DLGAP4: variants seen among roughly 807,000 people sequenced by gnomAD.
DLGAP4 encodes disks large-associated protein 4.
Under a neutral mutation model 86.9 loss-of-function variants are expected in DLGAP4, and 18 were observed. The observed-to-expected ratio is 0.21, with a 90% CI of 0.14 to 0.31. DLGAP4 has a LOEUF of 0.31. Ranked by LOEUF, DLGAP4 falls within the 10% of genes least tolerant of loss-of-function variation. The pLI is 1.00. For synonymous variants in DLGAP4, 548 were observed against 574.3 expected, an observed-to-expected ratio of 0.95 and a Z score of 0.65; for missense variants, 1,085 against 1,362.6, an observed-to-expected ratio of 0.80 and a Z score of 3.21.
At chr20:36,396,599 C>T (rs1263932547) in intron 2 of DLGAP4, among the ~76,000 whole-genome samples, 7 of 149,638 alleles carry the variant, frequency 4.7e-5, no homozygotes, top group East Asian at 4.0e-4. Flanking sequence ...GACACACACA[C>T]GCACGCATAC....
chr20:36,398,522 A>T (rs1324586150), intron 2 of DLGAP4, among the ~76,000 whole-genome samples: 1 of 152,212 alleles, frequency 6.6e-6, no homozygotes, highest in African/African-American at 2.4e-5. Flanking sequence ...TTACTAACAC[A>T]GCCGTAGAGA....
intron 2 of DLGAP4, among the ~76,000 whole-genome samples, chr20:36,404,976 C>T (rs1029112116): frequency 6.6e-6 from 1 of 152,092 alleles, no homozygotes; most frequent in Non-Finnish European, 1.5e-5. Context: ...CTGGAGGAGG[C>T]GGTGTGCGCT....
At chr20:36,475,328 A>G (rs566051164) in intron 7 of DLGAP4, among the ~76,000 whole-genome samples, 1 of 152,252 alleles carries the variant, frequency 6.6e-6, no homozygotes, top group African/African-American at 2.4e-5. Context: ...CCCCTGCCTC[A>G]GCCTCCTGAG....
At chr20:36,394,882 C>T (rs1669268448) in intron 2 of DLGAP4, among the ~76,000 whole-genome samples, 2 of 152,144 alleles carry the variant, frequency 1.3e-5, no homozygotes, top group African/African-American at 2.4e-5. Flanking sequence ...CATGCCACTG[C>T]CTGGGCGGGC....
chr20:36,332,395 T>C (rs2147360890), intron 1 of DLGAP4, among the ~76,000 whole-genome samples: 1 of 152,242 alleles, frequency 6.6e-6, no homozygotes, highest in South Asian at 2.1e-4. Flanking sequence ...TTTGTTTTTT[T>C]GTTTCTTTGT....
At chr20:36,396,354 T>TGCACACACAC (rs2031958028) in intron 2 of DLGAP4, among the ~76,000 whole-genome samples, 1 of 5,044 alleles carries the variant, frequency 2.0e-4, no homozygotes, top group African/African-American at 9.8e-4. Flanking sequence ...CACACACACA[T>TGCACACACAC]ACCACACGCA....
chr20:36,440,328 C>T (rs922177892), intron 5 of DLGAP4, among the ~76,000 whole-genome samples: 16 of 152,164 alleles, frequency 1.1e-4, no homozygotes, highest in Non-Finnish European at 1.2e-4. Flanking sequence ...AGGCGGTGTG[C>T]TCAGCAGAGG....
chr20:36,442,529 A>G (rs966339792), intron 5 of DLGAP4, among the ~76,000 whole-genome samples, 198 bp from the exon 6 acceptor site: 1 of 152,186 alleles, frequency 6.6e-6, no homozygotes, highest in African/African-American at 2.4e-5. Context: ...ATAAGTCCTC[A>G]GTAATGCCCA....
chr20:36,426,770 T>C (rs976873735), intron 2 of DLGAP4, among the ~76,000 whole-genome samples: 5 of 152,004 alleles, frequency 3.3e-5, no homozygotes, highest in African/African-American at 4.8e-5. Context: ...CTACGGGAAA[T>C]AGGAAAATTC....
intron 6 of DLGAP4, 121 bp from the exon 7 acceptor site, chr20:36,446,576 G>A: frequency 2.3e-6 from 2 of 860,522 alleles, no homozygotes; most frequent in South Asian, 3.4e-5. Context: ...AGATGGACAG[G>A]GGTGGGCTGA....
chr20:36,322,849 C>T (rs1177801816), intron 1 of DLGAP4, among the ~76,000 whole-genome samples: 1 of 152,120 alleles, frequency 6.6e-6, no homozygotes, highest in Non-Finnish European at 1.5e-5. Context: ...GTGTATATCT[C>T]ACCCTTGTAA....
intron 1 of DLGAP4, among the ~76,000 whole-genome samples, chr20:36,336,513 T>A (rs1037044260): frequency 2.0e-5 from 3 of 152,212 alleles, no homozygotes; most frequent in African/African-American, 7.2e-5. Context: ...TCTGCATCTT[T>A]CCCACCGGAC....
At chr20:36,354,336 A>T (rs1186304940) in intron 1 of DLGAP4, among the ~76,000 whole-genome samples, 6 of 152,096 alleles carry the variant, frequency 3.9e-5, no homozygotes, top group African/African-American at 1.4e-4. Flanking sequence ...AAACAAAACA[A>T]ACAAAATCAA....
At chr20:36,355,294 CTTTCTTTT>C (rs1295058799) in intron 1 of DLGAP4, among the ~76,000 whole-genome samples, 4 of 148,632 alleles carry the variant, frequency 2.7e-5, no homozygotes, top group Non-Finnish European at 5.9e-5. Context: ...TTCTTTCTTT[CTTTCTTTT>C]TTTTTTTTTT....
At chr20:36,449,676 A>T (rs1327112546) in intron 7 of DLGAP4, among the ~76,000 whole-genome samples, 1 of 152,176 alleles carries the variant, frequency 6.6e-6, no homozygotes, top group Non-Finnish European at 1.5e-5. Flanking sequence ...GCCTGGAGGG[A>T]TAGACAGCAC....
At chr20:36,471,671 G>A (rs573791989) in intron 7 of DLGAP4, among the ~76,000 whole-genome samples, 10 of 152,096 alleles carry the variant, frequency 6.6e-5, no homozygotes, top group Non-Finnish European at 1.2e-4. Flanking sequence ...GGAAGACATC[G>A]TGAAATGTAT....
Position 36,475,130 on chromosome 20 carries a change from C to T in DLGAP4, c.1649-21575C>T, listed in dbSNP as rs145177717. ...GTAGGGGTTACATCTGGAGTAGTCT[C>T]AAGGTCAGGCAGGACCCTGGGGGTC... On this transcript the variant is annotated intron_variant, in intron 7 of 12. Transcript: ENST00000339266. Among the ~76,000 whole-genome samples, 642 of 148,990 alleles carry T rather than the reference C, an allele frequency of 4.3e-3. 1 individual carries two copies. Among genetic ancestry groups the T allele is most frequent in the Middle Eastern group, 0.01 (3 of 292 alleles).
At chr20:36,344,221 G>A (rs2065413408) in intron 1 of DLGAP4, among the ~76,000 whole-genome samples, 1 of 152,190 alleles carries the variant, frequency 6.6e-6, no homozygotes. Flanking sequence ...CTAGCTGTGT[G>A]ACCTTGAGCA....
intron 2 of DLGAP4, among the ~76,000 whole-genome samples, chr20:36,424,576 G>A (rs917289016): frequency 1.3e-4 from 20 of 152,278 alleles, no homozygotes; most frequent in African/African-American, 4.3e-4. Flanking sequence ...AGCTGGGGTT[G>A]TGAGTGCCTC....
Sources: allele counts gnomAD v4.1 joint callset (sites outside exome capture counted in the v4.1 genomes callset), GRCh38; gene constraint gnomAD v4.1.1; transcripts MANE v1.5; gene names NCBI Gene and HGNC (gene_info 2026-07-23, HGNC 2026-07-21).